IRAK1BP1: variants seen among roughly 807,000 people sequenced by gnomAD.
IRAK1BP1 encodes interleukin 1 receptor associated kinase 1 binding protein 1.
In IRAK1BP1, 24 loss-of-function variants were observed where a neutral mutation model predicts 28.0. The observed-to-expected ratio is 0.86, with a 90% CI of 0.62 to 1.20. IRAK1BP1 has a LOEUF of 1.20. IRAK1BP1 is among the 50% of genes most tolerant of loss of function. The probability of loss-of-function intolerance (pLI) is 0.00; values close to 1 mark genes in which losing one functional copy is unlikely to be tolerated. For synonymous variants in IRAK1BP1, 131 were observed against 116.3 expected, an observed-to-expected ratio of 1.13 and a Z score of -0.81; for missense variants, 336 against 316.7, an observed-to-expected ratio of 1.06 and a Z score of -0.46.
At chr6:78,920,687 A>G (rs756709347) in intron 4 of IRAK1BP1, among the ~76,000 whole-genome samples, 5 of 152,330 alleles carry the variant, frequency 3.3e-5, no homozygotes, top group Non-Finnish European at 5.9e-5. Flanking sequence ...AAAACACTAG[A>G]AGGAAACTGA....
chr6:78,958,395 G>A, the IRAK1BP1 span: 1 of 914,366 alleles, frequency 1.1e-6, no homozygotes, highest in South Asian at 1.5e-5. Flanking sequence ...TTTACAAACA[G>A]TATGTTTTCT....
At chr6:78,936,410 T>C (rs532023333) in intron 4 of IRAK1BP1, 13 of 152,006 alleles carry the variant, frequency 8.6e-5, no homozygotes, top group South Asian at 6.2e-4. Context: ...AATGTAACTT[T>C]GTATTGTCTC....
intron 1 of IRAK1BP1, among the ~76,000 whole-genome samples, chr6:78,872,855 C>A (rs905382915): frequency 6.6e-6 from 1 of 152,088 alleles, no homozygotes; most frequent in African/African-American, 2.4e-5. Context: ...TCTTTTTTAT[C>A]ATTTGAACTT....
At chr6:78,954,722 ATAAT>A in the IRAK1BP1 span, 1 of 765,252 alleles carries the variant, frequency 1.3e-6, no homozygotes, top group South Asian at 1.9e-5. Context: ...GAAATAAACT[ATAAT>A]CATAAAAAGT....
chr6:78,921,234 C>T (rs187924193), intron 4 of IRAK1BP1, among the ~76,000 whole-genome samples: 1 of 152,192 alleles, frequency 6.6e-6, no homozygotes, highest in Non-Finnish European at 1.5e-5. Context: ...CCTAATACTG[C>T]ACTTTTCCAA....
At chr6:78,917,186 A>T (rs975333533) in intron 4 of IRAK1BP1, among the ~76,000 whole-genome samples, 1 of 152,098 alleles carries the variant, frequency 6.6e-6, no homozygotes, top group Non-Finnish European at 1.5e-5. Flanking sequence ...TTCTAAAGCA[A>T]TTCAAGAAAT....
At chr6:78,905,200 C>T (rs1047757944), downstream of IRAK1BP1, among the ~76,000 whole-genome samples, 10 of 150,728 alleles carry the variant, frequency 6.6e-5, no homozygotes, top group Non-Finnish European at 1.0e-4. Context: ...TTAAATACAA[C>T]GCTTTAGAAG....
intron 2 of IRAK1BP1, among the ~76,000 whole-genome samples, chr6:78,886,353 A>T (rs970793714): frequency 6.6e-6 from 1 of 152,144 alleles, no homozygotes; most frequent in African/African-American, 2.4e-5. Flanking sequence ...TTGTTGCCCC[A>T]ATGCTTCCTG....
At chr6:78,960,061 G>T in the IRAK1BP1 span, among the ~76,000 whole-genome samples, 1 of 152,078 alleles carries the variant, frequency 6.6e-6, no homozygotes, top group African/African-American at 2.4e-5. Flanking sequence ...GTAGCTCACT[G>T]ACATCGCTCA....
At chr6:78,933,326 T>A (rs187554391) in intron 4 of IRAK1BP1, among the ~76,000 whole-genome samples, 1 of 152,252 alleles carries the variant, frequency 6.6e-6, no homozygotes, top group East Asian at 1.9e-4. Flanking sequence ...TCCTTAAACA[T>A]CATGAACCAG....
At chr6:78,949,528 T>G (rs1426491700), downstream of IRAK1BP1, among the ~76,000 whole-genome samples, 2 of 152,060 alleles carry the variant, frequency 1.3e-5, no homozygotes, top group African/African-American at 4.8e-5. Flanking sequence ...AATAAGCTGT[T>G]AACTGTGACC....
At chr6:78,978,096 G>A in the IRAK1BP1 span, among the ~76,000 whole-genome samples, 1 of 151,750 alleles carries the variant, frequency 6.6e-6, no homozygotes. Context: ...CTAAAACAAT[G>A]GTCTCATCCT....
At chr6:78,870,165 C>T (rs1384381397) in intron 1 of IRAK1BP1, among the ~76,000 whole-genome samples, 1 of 139,060 alleles carries the variant, frequency 7.2e-6, no homozygotes, top group Non-Finnish European at 1.5e-5. Flanking sequence ...ATCCTCATCT[C>T]CTATCATATC....
rs777051224 is a variant in IRAK1BP1, at chr6:78,867,682, G to A, written c.106G>A (p.Gly36Ser). The stretch of plus-strand genomic sequence containing the variant: ...GGCCTCAGGGAGAGAGACGCTACCG[G>A]GCTTACGCCACCCCCTCTCCTCAAC... ...NLASGRETLP[G>S]LRHPLSSTQA... The change falls in exon 1 of 4, where the codon GGC (glycine) becomes AGC (serine). Residue 36 changes from glycine (G) to serine (S), a missense_variant. Gly to Ser is a moderately conservative substitution (Grantham distance 56). Coordinates refer to ENST00000369940, the MANE Select transcript of IRAK1BP1 (RefSeq NM_001010844.4). 4.3e-6 allele frequency: 7 copies of A among 1,614,244 alleles called. No individual in the cohort carries two copies. Among genetic ancestry groups the A allele is most frequent in the Non-Finnish European group, 5.1e-6 (6 of 1,180,058 alleles).
intron 4 of IRAK1BP1, among the ~76,000 whole-genome samples, chr6:78,933,501 G>C (rs1773136758): frequency 6.6e-6 from 1 of 152,140 alleles, no homozygotes; most frequent in African/African-American, 2.4e-5. Flanking sequence ...TGTAATCCCA[G>C]ATATGCAGGA....
intron 4 of IRAK1BP1, among the ~76,000 whole-genome samples, chr6:78,933,448 CTTCTT>C (rs77687350): frequency 0.28 from 43,084 of 151,646 alleles, 6,208 homozygotes; most frequent in Admixed American, 0.3. Flanking sequence ...AACCCCTTCT[CTTCTT>C]AAAATACAAC....
At chr6:78,905,945 A>G (rs765211411), downstream of IRAK1BP1, among the ~76,000 whole-genome samples, 1 of 152,192 alleles carries the variant, frequency 6.6e-6, no homozygotes, top group Non-Finnish European at 1.5e-5. Context: ...GATAAATTCA[A>G]TACATCTGTA....
downstream of IRAK1BP1, among the ~76,000 whole-genome samples, chr6:78,903,737 G>A (rs932940664): frequency 2.6e-5 from 4 of 151,866 alleles, no homozygotes. Flanking sequence ...GTACGTGTGG[G>A]ACTGTATGTC....
chr6:78,960,384 G>C, the IRAK1BP1 span, among the ~76,000 whole-genome samples: 1 of 151,546 alleles, frequency 6.6e-6, no homozygotes, highest in Non-Finnish European at 1.5e-5. Context: ...TGAAGCACTA[G>C]GTTTAATTTC....
Sources: allele counts gnomAD v4.1 joint callset (sites outside exome capture counted in the v4.1 genomes callset), GRCh38; gene constraint gnomAD v4.1.1; transcripts MANE v1.5; gene names NCBI Gene and HGNC (gene_info 2026-07-23, HGNC 2026-07-21).